Variants in CFAP206 observed in about 807,000 individuals in gnomAD.
CFAP206 encodes the protein cilia and flagella associated protein 206, also known as cilia- and flagella-associated protein 206.
Under a neutral mutation model 65.4 loss-of-function variants are expected in CFAP206, and 53 were observed. The ratio of observed to expected loss-of-function variants is 0.81; its 90% CI spans 0.65 to 1.02. The LOEUF (loss-of-function observed/expected upper bound fraction) is 1.02. Among genes scored for constraint, CFAP206 ranks in the 50% least tolerant of loss-of-function variants. The pLI is 0.00. For missense variants in CFAP206, 663 were observed against 753.2 expected, an observed-to-expected ratio of 0.88 and a Z score of 1.40; for synonymous variants, 250 against 254.4, an observed-to-expected ratio of 0.98 and a Z score of 0.17.
At chr6:87,421,564 C>T (rs1466822464) in intron 7 of CFAP206, among the ~76,000 whole-genome samples, 3 of 152,152 alleles carry the variant, frequency 2.0e-5, no homozygotes, top group African/African-American at 7.2e-5. Flanking sequence ...TTATCTTCTG[C>T]AGTGAACACA....
intron 5 of CFAP206, 105 bp downstream of exon 5, chr6:87,415,979 A>T: frequency 3.6e-6 from 3 of 828,074 alleles, no homozygotes; most frequent in Non-Finnish European, 5.0e-6. Context: ...TTCCCTTTTT[A>T]TCTGAAAAAA....
At chr6:87,459,362 TGTCAGAAAAATTGTGA>T (rs1345672404) in intron 11 of CFAP206, among the ~76,000 whole-genome samples, 4 of 152,170 alleles carry the variant, frequency 2.6e-5, no homozygotes, top group African/African-American at 4.8e-5. Flanking sequence ...ATGACCTCTC[TGTCAGAAAAATTGTGA>T]GTTATATACT....
At chr6:87,438,873 C>A (rs1374853122) in intron 11 of CFAP206, among the ~76,000 whole-genome samples, 1 of 152,048 alleles carries the variant, frequency 6.6e-6, no homozygotes, top group Non-Finnish European at 1.5e-5. Flanking sequence ...AATGTATTTC[C>A]CACAAAATAC....
At chr6:87,412,231 G>A (rs1490084820) in intron 3 of CFAP206, among the ~76,000 whole-genome samples, 1 of 152,146 alleles carries the variant, frequency 6.6e-6, no homozygotes, top group African/African-American at 2.4e-5. Flanking sequence ...TTTTAAGTGT[G>A]CATTTTAGAA....
intron 8 of CFAP206, among the ~76,000 whole-genome samples, chr6:87,427,943 T>TG (rs1231082627): frequency 2.0e-5 from 3 of 149,680 alleles, no homozygotes; most frequent in African/African-American, 7.4e-5. Context: ...GCAGGGTGCG[T>TG]GGGGGGAACT....
chr6:87,422,883 T>G (rs1767968718), intron 7 of CFAP206, among the ~76,000 whole-genome samples: 1 of 152,196 alleles, frequency 6.6e-6, no homozygotes, highest in Admixed American at 6.5e-5. Context: ...GTGCCTACTC[T>G]GAATGGATCC....
At chr6:87,437,631 G>C (rs1370963621) in intron 11 of CFAP206, among the ~76,000 whole-genome samples, 3 of 151,184 alleles carry the variant, frequency 2.0e-5, no homozygotes, top group Non-Finnish European at 4.4e-5. Flanking sequence ...TCTGTCCTAG[G>C]ATTATTCTTT....
At chr6:87,451,184 G>A (rs1264253863) in intron 11 of CFAP206, among the ~76,000 whole-genome samples, 4 of 152,194 alleles carry the variant, frequency 2.6e-5, no homozygotes, top group Non-Finnish European at 5.9e-5. Context: ...GTGGACTTGG[G>A]TGCATGCGAC....
At position 87,418,376 on chromosome 6, in the gene CFAP206, A is replaced by G. The variant is rs766616091; in HGVS notation, c.800A>G (p.Tyr267Cys). 1.2e-5 allele frequency: 20 copies of G among 1,614,204 alleles called. No homozygotes were observed. The highest frequency in any genetic ancestry group is 1.7e-5 in the Non-Finnish European group (20 of 1,180,018). The change falls in exon 7 of 13, where the codon TAT (tyrosine) becomes TGT (cysteine). Residue 267 changes from tyrosine to cysteine, a missense_variant. Tyr to Cys is a radical substitution (Grantham distance 194). Coordinates refer to ENST00000369562, the MANE Select transcript of CFAP206 (RefSeq NM_001031743.3). Reference sequence around the variant, plus strand: ...CCATATATGTTAAAAGAAGCGCTATATAATATACGACAATATGAGGTCTTC... The same window carrying G: ...CCATATATGTTAAAAGAAGCGCTATGTAATATACGACAATATGAGGTCTTC... ...LQPYMLKEAL[Y>C]NIRQYEVFLQ...
chr6:87,457,936 T>C (rs1172306085), intron 11 of CFAP206, among the ~76,000 whole-genome samples: 4 of 152,144 alleles, frequency 2.6e-5, no homozygotes, highest in African/African-American at 7.2e-5. Flanking sequence ...AAGGGACTAA[T>C]AGCCAGAATA....
intron 10 of CFAP206, among the ~76,000 whole-genome samples, chr6:87,434,601 T>C (rs941760797): frequency 2.0e-5 from 3 of 151,562 alleles, no homozygotes; most frequent in Admixed American, 6.6e-5. Context: ...AGGTTCAAGC[T>C]ATTCTCCTAC....
chr6:87,433,981 T>C (rs1283805211), intron 10 of CFAP206, among the ~76,000 whole-genome samples: 1 of 151,844 alleles, frequency 6.6e-6, no homozygotes, highest in African/African-American at 2.4e-5. Context: ...ACACCTGTAA[T>C]CCCAGCTACT....
At chr6:87,446,644 G>A (rs1180604972) in intron 11 of CFAP206, among the ~76,000 whole-genome samples, 2 of 152,132 alleles carry the variant, frequency 1.3e-5, no homozygotes, top group African/African-American at 4.8e-5. Flanking sequence ...CTTCCGCTCT[G>A]TTCTTTTTGC....
At chr6:87,425,135 C>A (rs1420494790) in intron 7 of CFAP206, among the ~76,000 whole-genome samples, 6 of 152,136 alleles carry the variant, frequency 3.9e-5, no homozygotes, top group Admixed American at 3.9e-4. Context: ...ATTTTATAAG[C>A]CTCAGAAGGT....
chr6:87,440,302 G>T (rs1053286282), intron 11 of CFAP206, among the ~76,000 whole-genome samples: 7 of 152,052 alleles, frequency 4.6e-5, no homozygotes, highest in African/African-American at 1.7e-4. Context: ...TCTGCATATT[G>T]ATTTTATATT....
rs1372468049 is a variant in CFAP206, at chr6:87,416,713, C to G, written c.517C>G (p.Leu173Val). ...TCCTCAGGCAGAGCTTGGGACATTT[C>G]TAACTCTTTCTAAGAAGGACAAAGA... Reference protein sequence around the residue: ...VFPQAELGTFLTLSKKDKERQ... With the variant: ...VFPQAELGTFVTLSKKDKERQ... The change falls in exon 6 of 13, where the codon CTA becomes GTA. Residue 173 changes from leucine (L) to valine (V), a missense_variant. Transcript: ENST00000369562. The G allele has an allele frequency of 6.2e-7, 1 of 1,612,140 alleles. No homozygotes were observed. Among genetic ancestry groups the G allele is most frequent in the Non-Finnish European group, 8.5e-7 (1 of 1,179,350 alleles).
chr6:87,432,010 A>G (rs1768167746), intron 10 of CFAP206, among the ~76,000 whole-genome samples: 1 of 152,228 alleles, frequency 6.6e-6, no homozygotes, highest in Non-Finnish European at 1.5e-5. Flanking sequence ...TAAATCAGAG[A>G]TAGAGATGAA....
At chr6:87,413,924 T>C in intron 4 of CFAP206, 24 bp downstream of exon 4, 3 of 1,255,532 alleles carry the variant, frequency 2.4e-6, no homozygotes, top group Non-Finnish European at 3.2e-6. Flanking sequence ...CCTATTTTTA[T>C]ACTTAAAAAA....
Position 87,431,066 on chromosome 6 carries a change from T to C in CFAP206, c.1193T>C (p.Leu398Pro). 3 of 1,614,012 alleles carry C rather than the reference T, an allele frequency of 1.9e-6. No individual in the cohort carries two copies. The highest frequency in any genetic ancestry group is 2.5e-6 in the Non-Finnish European group (3 of 1,179,878). ...DRVNVADFRKLEWLFPETTAN... is the reference protein window; with the variant it reads ...DRVNVADFRKPEWLFPETTAN... The stretch of plus-strand genomic sequence containing the variant: ...GTAAATGTGGCAGATTTCAGAAAAC[T>C]AGAATGGCTTTTCCCAGAAACAACA... The change falls in exon 10 of 13, where the codon CTA (leucine) becomes CCA (proline). Residue 398 changes from leucine to proline, a missense_variant. Physicochemically the swap from Leu to Pro is moderately conservative, Grantham distance 98. Coordinates refer to ENST00000369562, the MANE Select transcript of CFAP206 (RefSeq NM_001031743.3).
Sources: gnomAD v4.1 joint callset for allele counts (sites outside exome capture counted in the v4.1 genomes callset) on GRCh38, gnomAD v4.1.1 for gene constraint, MANE v1.5 for transcripts, NCBI Gene and HGNC (gene_info 2026-07-23, HGNC 2026-07-21) for gene names.